MGAT4C: variants seen among roughly 807,000 people sequenced by gnomAD.
MGAT4C encodes the protein MGAT4 family member C, also known as alpha-1,3-mannosyl-glycoprotein 4-beta-N-acetylglucosaminyltransferase C.
MGAT4C carries 19 observed loss-of-function variants against 40.1 expected under a neutral mutation model. The observed-to-expected ratio is 0.47, with a 90% confidence interval of 0.33 to 0.70. MGAT4C has a LOEUF of 0.70. Ranked by LOEUF, MGAT4C falls within the 30% of genes least tolerant of loss-of-function variation. The pLI is 0.02. For synonymous variants in MGAT4C, 181 were observed against 187.1 expected (o/e 0.97, Z 0.27); for missense variants, 491 against 563.2 (o/e 0.87, Z 1.30).
intron 3 of MGAT4C, among the ~76,000 whole-genome samples, chr12:86,426,694 T>C (rs1592832894): frequency 6.6e-6 from 1 of 152,268 alleles, no homozygotes; most frequent in African/African-American, 2.4e-5. Flanking sequence ...ACGCCTGTAA[T>C]CAAAGCACTT....
At chr12:86,409,288 T>G (rs547551301) in intron 3 of MGAT4C, among the ~76,000 whole-genome samples, 7 of 152,284 alleles carry the variant, frequency 4.6e-5, no homozygotes, top group Non-Finnish European at 2.9e-5. Context: ...ATAAGAAGAA[T>G]AATAGTATTC....
intron 2 of MGAT4C, among the ~76,000 whole-genome samples, chr12:86,610,379 T>A (rs2136473677): frequency 6.6e-6 from 1 of 152,214 alleles, no homozygotes; most frequent in South Asian, 2.1e-4. Flanking sequence ...AAACCACAGG[T>A]GCCATCTACT....
intron 2 of MGAT4C, chr12:86,013,652 T>A (rs1888746324): frequency 1.3e-6 from 1 of 780,816 alleles, no homozygotes; most frequent in South Asian, 5.9e-5. Flanking sequence ...CGTGTACTAT[T>A]CTTTCGTACC....
At chr12:86,117,595 C>T (rs957249563) in intron 1 of MGAT4C, among the ~76,000 whole-genome samples, 8 of 152,104 alleles carry the variant, frequency 5.3e-5, no homozygotes, top group Non-Finnish European at 1.2e-4. Context: ...ACCATCATCA[C>T]TCTACCAAAT....
intron 2 of MGAT4C, among the ~76,000 whole-genome samples, chr12:86,467,439 G>C (rs1003619426): frequency 7.2e-5 from 11 of 152,140 alleles, no homozygotes; most frequent in African/African-American, 2.7e-4. Context: ...ATATGAAAGA[G>C]AAAATTCTAT....
intron 1 of MGAT4C, among the ~76,000 whole-genome samples, chr12:86,110,944 T>C (rs1877278903): frequency 6.6e-6 from 1 of 151,790 alleles, no homozygotes; most frequent in African/African-American, 2.4e-5. Flanking sequence ...CATTGTATTC[T>C]CTTAAAAATT....
At chr12:86,675,205 C>T (rs536944543) in intron 2 of MGAT4C, among the ~76,000 whole-genome samples, 1 of 152,258 alleles carries the variant, frequency 6.6e-6, no homozygotes, top group Admixed American at 6.5e-5. Context: ...ACTGATTGTT[C>T]CAAAAGTGGA....
chr12:86,366,619 CTA>C (rs1183810422), intron 3 of MGAT4C, among the ~76,000 whole-genome samples: 3 of 152,134 alleles, frequency 2.0e-5, no homozygotes, highest in Non-Finnish European at 2.9e-5. Flanking sequence ...TTATTGCATA[CTA>C]TGCTCACTAC....
intron 3 of MGAT4C, among the ~76,000 whole-genome samples, chr12:86,388,478 T>A (rs1956100562): frequency 1.3e-5 from 2 of 152,058 alleles, no homozygotes; most frequent in Non-Finnish European, 2.9e-5. Flanking sequence ...TTTGAACCAA[T>A]AATATAACTT....
chr12:86,821,583 C>T (rs1253842652), intron 1 of MGAT4C, among the ~76,000 whole-genome samples: 1 of 150,762 alleles, frequency 6.6e-6, no homozygotes, highest in Non-Finnish European at 1.5e-5. Flanking sequence ...ATAGTGCTAC[C>T]AAACACTATA....
intron 2 of MGAT4C, among the ~76,000 whole-genome samples, chr12:86,698,334 T>A (rs1863893): frequency 0.95 from 145,054 of 152,242 alleles, 69,341 homozygotes; most frequent in Non-Finnish European, 1. Context: ...GAAAATTTTT[T>A]AAAAAATTGT....
chr12:86,364,326 A>T (rs1051521200), intron 3 of MGAT4C, among the ~76,000 whole-genome samples: 1 of 152,136 alleles, frequency 6.6e-6, no homozygotes, highest in Non-Finnish European at 1.5e-5. Context: ...AAAATATAAC[A>T]TGTTGTTGCA....
At chr12:86,815,621 CTG>C (rs1054757507) in intron 1 of MGAT4C, among the ~76,000 whole-genome samples, 2 of 150,728 alleles carry the variant, frequency 1.3e-5, no homozygotes, top group Non-Finnish European at 3.0e-5. Flanking sequence ...GATAAGGAAA[CTG>C]TGATATTATA....
At chr12:86,447,651 T>C (rs1306027628) in intron 2 of MGAT4C, among the ~76,000 whole-genome samples, 1 of 152,170 alleles carries the variant, frequency 6.6e-6, no homozygotes, top group Admixed American at 6.6e-5. Context: ...GTAAGATTTG[T>C]TCTAACATTT....
At chr12:86,706,731 A>T (rs1950466176) in intron 2 of MGAT4C, among the ~76,000 whole-genome samples, 1 of 152,166 alleles carries the variant, frequency 6.6e-6, no homozygotes, top group African/African-American at 2.4e-5. Context: ...AAAAACAAAA[A>T]CAAAAACAAC....
At chr12:86,487,055 A>G (rs941936223) in intron 2 of MGAT4C, among the ~76,000 whole-genome samples, 5 of 152,202 alleles carry the variant, frequency 3.3e-5, no homozygotes, top group African/African-American at 1.2e-4. Context: ...GTTTTAATTT[A>G]TAACAATAAC....
At chr12:86,411,426 G>A (rs1266172402) in intron 3 of MGAT4C, among the ~76,000 whole-genome samples, 5 of 152,182 alleles carry the variant, frequency 3.3e-5, no homozygotes, top group Admixed American at 6.5e-5. Context: ...CTCTTACTAC[G>A]ATTTTGCAAA....
At chr12:86,524,308 T>A (rs1010206104) in intron 2 of MGAT4C, among the ~76,000 whole-genome samples, 7 of 152,178 alleles carry the variant, frequency 4.6e-5, no homozygotes, top group Non-Finnish European at 8.8e-5. Context: ...TCCTCAGCAT[T>A]TACTTGGCTG....
At position 86,394,616 on chromosome 12, in the gene MGAT4C, TTA is replaced by T. The variant is rs71076194; in HGVS notation, c.-120+40539_-120+40540del. Among the ~76,000 whole-genome samples the T allele has an allele frequency of 3.2e-3, 438 of 135,422 alleles. 1 individual carries two copies. Among genetic ancestry groups the T allele is most frequent in the Middle Eastern group, 8.3e-3 (2 of 242 alleles). 88.8% of individuals were successfully genotyped at this position (135,422 alleles called of 152,430 possible). Reference sequence around the variant, plus strand: ...TTTATATATTTTATATATATATACTTTATATATATATATATATATGTACTTTT... The same window carrying T: ...TTTATATATTTTATATATATATACTTTATATATATATATATATGTACTTTT... On this transcript the variant is annotated intron_variant, in intron 3 of 7. Transcript: ENST00000548651.
Sources: gnomAD v4.1 joint callset for allele counts (sites outside exome capture counted in the v4.1 genomes callset) on GRCh38, gnomAD v4.1.1 for gene constraint, MANE v1.5 for transcripts, NCBI Gene and HGNC (gene_info 2026-07-23, HGNC 2026-07-21) for gene names.